The following CD58 variants were observed in gnomAD, a reference collection of about 807,000 sequenced individuals.
CD58 encodes the protein lymphocyte function-associated antigen 3.
CD58 carries 14 observed loss-of-function variants against 27.6 expected under a neutral mutation model. That is an observed-to-expected ratio of 0.51 (90% confidence interval 0.34 to 0.79). The LOEUF is 0.79. CD58 is among the 30% of genes least tolerant of loss of function. The probability of loss-of-function intolerance (pLI) is 0.02; values close to 1 mark genes in which losing one functional copy is unlikely to be tolerated. For missense variants in CD58, 268 were observed against 301.7 expected, an observed-to-expected ratio of 0.89 and a Z score of 0.83; for synonymous variants, 117 against 103.8, an observed-to-expected ratio of 1.13 and a Z score of -0.77.
chr1:116,554,731 T>A (rs1235164906), intron 1 of CD58, among the ~76,000 whole-genome samples: 1 of 152,138 alleles, frequency 6.6e-6, no homozygotes, highest in Non-Finnish European at 1.5e-5. Context: ...TTGAAAAATA[T>A]GTTACTTTTG....
intron 1 of CD58, among the ~76,000 whole-genome samples, chr1:116,547,871 C>T (rs10801908): frequency 0.32 from 48,832 of 152,008 alleles, 12,307 homozygotes; most frequent in African/African-American, 0.67. Context: ...CTTTTAGTTG[C>T]TTAAGAAATC....
At position 116,544,434 on chromosome 1, in the gene CD58, C is replaced by A. The variant is rs780384027; in HGVS notation, c.241G>T (p.Val81Phe). Reference protein sequence around the residue: ...FRAFSSFKNRVYLDTVSGSLT... With the variant: ...FRAFSSFKNRFYLDTVSGSLT... Reference sequence around the variant, plus strand: ...CTACCTGACACAGTGTCTAAATAAACCCTATTTTTAAAAGATGAGAAAGCT... The same window carrying A: ...CTACCTGACACAGTGTCTAAATAAAACCTATTTTTAAAAGATGAGAAAGCT... Residue 81 changes from valine (V) to phenylalanine (F), a missense_variant, in exon 2 of 6, where the codon GTT (valine) becomes TTT (phenylalanine). Physicochemically the swap from Val to Phe is conservative, Grantham distance 50 (BLOSUM62 -1). Transcript: ENST00000369489. The A allele has an allele frequency of 6.2e-7, 1 of 1,613,968 alleles. No individual in the cohort carries two copies.
In CD58 at chr1:116,514,785, T is replaced by C; in HGVS notation, c.*28A>G. 7.0e-7 allele frequency: 1 copy of C among 1,431,836 alleles called. No homozygotes were observed. Among genetic ancestry groups the C allele is most frequent in the Non-Finnish European group, 9.8e-7 (1 of 1,023,408 alleles). 88.7% of individuals were successfully genotyped at this position (1,431,836 alleles called of 1,614,324 possible). On this transcript the variant is annotated 3_prime_UTR_variant, in exon 6 of 6. Transcript: ENST00000369489. ...TTTAGTTTTTAAAATAATTTAGTTA[T>C]GCTGTTGTCTTCATCTTCTGTTACC...
chr1:116,542,512 TAAGTGA>T (rs1658023223), intron 2 of CD58, among the ~76,000 whole-genome samples: 1 of 152,230 alleles, frequency 6.6e-6, no homozygotes, highest in South Asian at 2.1e-4. Context: ...GGGATCAGAA[TAAGTGA>T]ATATGGACAA....
chr1:116,533,781 G>A (rs1034921), intron 3 of CD58: 121,572 of 722,938 alleles, frequency 0.17, 15,924 homozygotes, highest in East Asian at 0.56. Flanking sequence ...CTCTTCTCTC[G>A]TCAAAGAGAG....
At position 116,519,410 on chromosome 1, in the gene CD58, G is replaced by A; in HGVS notation, c.707-143C>T. 7 of 749,138 alleles carry A rather than the reference G, an allele frequency of 9.3e-6. No homozygotes were observed. The highest frequency in any genetic ancestry group is 1.6e-5 in the Non-Finnish European group (7 of 433,872). The allele number at this position is 749,138 out of a possible 1,614,324, so 46.4% of individuals were successfully genotyped here. A position where few individuals can be genotyped will look rare whatever the true frequency, so the allele number is the denominator to read the frequency against. ...CCTGGGATTTCCTGCTATCCTATAT[G>A]CTTTAAATCAAATCGGCTACAGAGC... is the stretch of plus-strand genomic sequence containing the variant. On this transcript the variant is annotated intron_variant, in intron 4 of 5. Coordinates refer to ENST00000369489, the MANE Select transcript of CD58 (RefSeq NM_001779.3). The surrounding 1 kb of genome is among the most constrained non-coding windows in gnomAD (Gnocchi z 4.7).
intron 5 of CD58, chr1:116,518,939 C>G (rs183871651): frequency 1.0e-6 from 1 of 980,874 alleles, no homozygotes; most frequent in African/African-American, 1.7e-5. Context: ...TTTGATATCT[C>G]ACTTGACTTC....
At position 116,517,906 on chromosome 1, in the gene CD58, A is replaced by T. The variant is rs184439625; in HGVS notation, c.743+1325T>A. Reference sequence around the variant, plus strand: ...TTCATAATTTTCCTTCCCAACCAAGATTCCTGTGTGACTCCTCTGTGACAC... The same window carrying T: ...TTCATAATTTTCCTTCCCAACCAAGTTTCCTGTGTGACTCCTCTGTGACAC... On this transcript the variant is annotated intron_variant, in intron 5 of 5. Transcript: ENST00000369489. The surrounding 1 kb of genome is among the most constrained non-coding windows in gnomAD (Gnocchi z 6.5). 1.2e-4 allele frequency among the ~76,000 whole-genome samples: 18 copies of T among 152,242 alleles called. No individual in the cohort carries two copies. The East Asian group carries it at 2.3e-3, about 20-fold the overall frequency.
chr1:116,569,682 T>G (rs965556677), intron 1 of CD58, among the ~76,000 whole-genome samples: 7 of 143,470 alleles, frequency 4.9e-5, no homozygotes. Flanking sequence ...GCTCACTGCA[T>G]CCTCTGCCTC....
Position 116,534,179 on chromosome 1 carries a change from G to T in CD58, c.628+1786C>A. On this transcript the variant is annotated intron_variant, in intron 3 of 5. Transcript: ENST00000369489. This position sits in a 1 kb window ranked among gnomAD's most constrained non-coding sequence, Gnocchi z 5.3. ...TCAGGCCAGTCCTCGGGGAGCACAC[G>T]CCGCCCATCTGGCTCGCACCGCACA... is the stretch of plus-strand genomic sequence containing the variant. The T allele has an allele frequency of 3.3e-6, 2 of 614,168 alleles. No individual in the cohort carries two copies. Among genetic ancestry groups the T allele is most frequent in the Non-Finnish European group, 5.9e-6 (2 of 336,556 alleles). The allele number at this position is 614,168 out of a possible 1,614,324, so 38.0% of individuals were successfully genotyped here.
intron 2 of CD58, among the ~76,000 whole-genome samples, chr1:116,542,305 T>G (rs1658017009): frequency 6.6e-6 from 1 of 152,006 alleles, no homozygotes; most frequent in African/African-American, 2.4e-5. Flanking sequence ...GAAACATGAA[T>G]AGGGTGGTAT....
intron 5 of CD58, chr1:116,518,902 C>G: frequency 2.8e-6 from 3 of 1,074,878 alleles, no homozygotes; most frequent in Non-Finnish European, 3.5e-6. Context: ...ATTTAAATCC[C>G]AGCCCATCAC....
chr1:116,561,223 T>A (rs1188511570), intron 1 of CD58, among the ~76,000 whole-genome samples: 1 of 152,204 alleles, frequency 6.6e-6, no homozygotes, highest in Non-Finnish European at 1.5e-5. Flanking sequence ...ATTTTAAAAC[T>A]TCTGAAAGAT....
chr1:116,543,793 G>T (rs1360922859), intron 2 of CD58, among the ~76,000 whole-genome samples: 1 of 152,056 alleles, frequency 6.6e-6, no homozygotes, highest in Non-Finnish European at 1.5e-5. Context: ...ATGGTGGTGC[G>T]GGCCTGTAGT....
rs1232426725 is a variant in CD58, at chr1:116,527,451, C to A, written c.629-5468G>T. Among the ~76,000 whole-genome samples, 2 of 152,218 alleles carry A rather than the reference C, an allele frequency of 1.3e-5. No homozygotes were observed. The highest frequency in any genetic ancestry group is 3.9e-4 in the East Asian group (2 of 5,184). On this transcript the variant is annotated intron_variant, in intron 3 of 5. Coordinates refer to ENST00000369489, the MANE Select transcript of CD58 (RefSeq NM_001779.3). The surrounding 1 kb of genome is among the most constrained non-coding windows in gnomAD (Gnocchi z 4.4). ...TGGTATGATCATGTGATTTTTCTTT[C>A]ATAGTCTGTCAATGTGATGGATTAC... is the stretch of plus-strand genomic sequence containing the variant.
chr1:116,566,512 C>T (rs534528659), intron 1 of CD58, among the ~76,000 whole-genome samples: 1 of 152,324 alleles, frequency 6.6e-6, no homozygotes, highest in East Asian at 1.9e-4. Flanking sequence ...TAAATACCAT[C>T]TCTCACTAAA....
intron 3 of CD58, among the ~76,000 whole-genome samples, chr1:116,529,258 C>T (rs1449563536): frequency 6.6e-6 from 1 of 152,186 alleles, no homozygotes; most frequent in African/African-American, 2.4e-5. Flanking sequence ...AGCTTTCTGA[C>T]CTTGAGATCT....
rs1360637885 is a variant in CD58, at chr1:116,535,898, GA to G, written c.628+66del. 1.5e-5 allele frequency: 11 copies of G among 757,850 alleles called. No individual in the cohort carries two copies. In the East Asian group the frequency reaches 2.8e-4, roughly 20 times the overall value. 46.9% of individuals were successfully genotyped at this position (757,850 alleles called of 1,614,324 possible). On this transcript the variant is annotated intron_variant, in intron 3 of 5. Coordinates refer to ENST00000369489, the MANE Select transcript of CD58 (RefSeq NM_001779.3). Reference sequence around the variant, plus strand: ...AACTTGTTTTACATTTCAAAATTGTGAACCTTGTGTTAGTCACCACATCTGT... The same window carrying G: ...AACTTGTTTTACATTTCAAAATTGTGACCTTGTGTTAGTCACCACATCTGT...
At chr1:116,554,530 T>A (rs995665038) in intron 1 of CD58, among the ~76,000 whole-genome samples, 1 of 151,870 alleles carries the variant, frequency 6.6e-6, no homozygotes, top group African/African-American at 2.4e-5. Flanking sequence ...TACCAAAAAA[T>A]ATATATATAT....
Sources: gnomAD v4.1 joint callset for allele counts (sites outside exome capture counted in the v4.1 genomes callset) on GRCh38, gnomAD v4.1.1 for gene constraint, Gnocchi (gnomAD v3.1) non-coding constraint, MANE v1.5 for transcripts, NCBI Gene and HGNC (gene_info 2026-07-23, HGNC 2026-07-21) for gene names.